The following AQP11 variants were observed in gnomAD, a reference collection of about 807,000 sequenced individuals.
The protein encoded by AQP11 is aquaporin-11.
AQP11 carries 20 observed loss-of-function variants against 21.1 expected under a neutral mutation model. The observed-to-expected ratio is 0.95, with a 90% CI of 0.67 to 1.38. The LOEUF (loss-of-function observed/expected upper bound fraction) is 1.38. Ranked by LOEUF, AQP11 falls within the 40% of genes most tolerant of loss-of-function variation. The pLI, the probability that AQP11 is intolerant of heterozygous loss-of-function variation, is 0.00. For synonymous variants in AQP11, 167 were observed against 150.1 expected (o/e 1.11, Z -0.82); for missense variants, 339 against 340.4 (o/e 1.00, Z 0.03).
chr11:77,590,166 C>T lies in AQP11; in HGVS notation c.174C>T (p.Cys58=). ...VLEFLATFQL[C]CCTHELQLLS... ...AGTTTCTAGCCACCTTCCAGCTCTG[C>T]TGCTGCACCCACGAGCTGCAACTGC... is the stretch of plus-strand genomic sequence containing the variant. The change falls in exon 1 of 3, where the codon TGC becomes TGT. Residue 58 remains cysteine (C), a synonymous_variant. Coordinates refer to ENST00000313578, the MANE Select transcript of AQP11 (RefSeq NM_173039.3). 6.2e-7 allele frequency: 1 copy of T among 1,606,586 alleles called. No individual in the cohort carries two copies. The highest frequency in any genetic ancestry group is 2.2e-5 in the East Asian group (1 of 44,870).
Position 77,590,322 on chromosome 11 carries a change from G to T in AQP11, c.330G>T (p.Gly110=). 1 of 1,610,048 alleles carries T rather than the reference G, an allele frequency of 6.2e-7. No homozygotes were observed. Among genetic ancestry groups the T allele is most frequent in the Non-Finnish European group, 8.5e-7 (1 of 1,177,090 alleles). Residue 110 remains glycine (G), a synonymous_variant, in exon 1 of 3, where the codon GGG becomes GGT. Transcript: ENST00000313578. ...PCGVMMQMML[G]GMSPETGAVR... is the part of the protein sequence containing the mutation. ...GCGTGATGATGCAGATGATGCTGGG[G>T]GGCATGTCCCCCGAGACGGGTGCGG...
intron 1 of AQP11, chr11:77,591,328 A>G: frequency 1.0e-6 from 1 of 984,242 alleles, no homozygotes; most frequent in African/African-American, 1.7e-5. Context: ...GCAGTGGGCA[A>G]TCTAGTCCTA....
At chr11:77,603,707 T>G (rs762908420) in intron 2 of AQP11, 35 bp downstream of exon 2, 3 of 1,443,574 alleles carry the variant, frequency 2.1e-6, no homozygotes, top group Non-Finnish European at 2.9e-6. Context: ...TCTGAAAGAT[T>G]AGGGTATTTT....
In AQP11 at chr11:77,609,735, A is replaced by C. The variant is rs1045071570; in HGVS notation, c.*358A>C. On this transcript the variant is annotated 3_prime_UTR_variant, in exon 3 of 3. Coordinates refer to ENST00000313578, the MANE Select transcript of AQP11 (RefSeq NM_173039.3). The stretch of plus-strand genomic sequence containing the variant: ...GTAAGATCAACGAATTTGTGTATCA[A>C]GTGTCACCCAAATGAACAGAATTTT... The C allele has an allele frequency of 6.2e-6, 1 of 161,458 alleles. No individual in the cohort carries two copies. The allele number at this position is 161,458 out of a possible 1,614,324, so 10.0% of individuals were successfully genotyped here. A position where few individuals can be genotyped will look rare whatever the true frequency, so the allele number is the denominator to read the frequency against.
intron 1 of AQP11, chr11:77,591,176 A>T (rs1384741422): frequency 2.1e-6 from 2 of 948,426 alleles, no homozygotes; most frequent in South Asian, 9.7e-5. Context: ...ATTTTGAGTT[A>T]TACATGAACT....
chr11:77,592,045 C>T (rs1958751995), intron 1 of AQP11, among the ~76,000 whole-genome samples: 1 of 152,132 alleles, frequency 6.6e-6, no homozygotes, highest in Non-Finnish European at 1.5e-5. Flanking sequence ...GCAGGTGGAT[C>T]GCTTGAGCCC....
intron 1 of AQP11, among the ~76,000 whole-genome samples, chr11:77,592,581 T>C (rs1412734741): frequency 6.6e-6 from 1 of 152,246 alleles, no homozygotes; most frequent in Non-Finnish European, 1.5e-5. Flanking sequence ...CTGTCTACTT[T>C]TAATACATAT....
chr11:77,596,486 AAATATATG>A (rs1958781150), intron 1 of AQP11, among the ~76,000 whole-genome samples: 3 of 141,908 alleles, frequency 2.1e-5, no homozygotes, highest in African/African-American at 2.6e-5. Flanking sequence ...ATATATGTGT[AAATATATG>A]TGTAAATATA....
chr11:77,609,393 A>C lies in AQP11; in HGVS notation c.*16A>C, dbSNP rs765884000. ...AAAGGAATAACTGTTCCAAAGACTC[A>C]GACTAACATACAGGACAGTCCAGCT... On this transcript the variant is annotated 3_prime_UTR_variant, in exon 3 of 3. Transcript: ENST00000313578. The C allele has an allele frequency of 6.3e-7, 1 of 1,594,184 alleles. No individual in the cohort carries two copies. The highest frequency in any genetic ancestry group is 2.2e-5 in the East Asian group (1 of 44,702).
intron 1 of AQP11, among the ~76,000 whole-genome samples, chr11:77,597,518 G>A (rs1958790436): frequency 1.3e-5 from 2 of 152,300 alleles, no homozygotes; most frequent in African/African-American, 4.8e-5. Context: ...GTTGCAGTGA[G>A]CTGAGATTGC....
intron 1 of AQP11, among the ~76,000 whole-genome samples, chr11:77,601,804 T>C (rs146533453): frequency 1.3e-5 from 2 of 152,308 alleles, no homozygotes; most frequent in South Asian, 2.1e-4. Context: ...TCAGCTGTCA[T>C]CTAAGATGCC....
intron 1 of AQP11, among the ~76,000 whole-genome samples, chr11:77,596,191 A>C (rs1192913855): frequency 6.6e-6 from 1 of 152,012 alleles, no homozygotes; most frequent in Non-Finnish European, 1.5e-5. Context: ...CTGAATCAAC[A>C]TGACCACCCA....
intron 1 of AQP11, among the ~76,000 whole-genome samples, chr11:77,598,674 T>G (rs1401731301): frequency 6.6e-6 from 1 of 152,220 alleles, no homozygotes; most frequent in Non-Finnish European, 1.5e-5. Context: ...TTGTCTCTGA[T>G]GTTTGTGTTA....
At chr11:77,592,277 AAAAAAG>A (rs1386847486) in intron 1 of AQP11, among the ~76,000 whole-genome samples, 3 of 152,060 alleles carry the variant, frequency 2.0e-5, no homozygotes, top group Admixed American at 6.5e-5. Flanking sequence ...AAAAGAAAAA[AAAAAAG>A]AAAAAGAGAA....
At chr11:77,602,499 A>G (rs949543731) in intron 1 of AQP11, among the ~76,000 whole-genome samples, 2 of 152,154 alleles carry the variant, frequency 1.3e-5, no homozygotes, top group Non-Finnish European at 2.9e-5. Context: ...AATGATTCCA[A>G]AGGTCTATGA....
intron 2 of AQP11, among the ~76,000 whole-genome samples, 157 bp downstream of exon 2, chr11:77,603,829 T>C (rs957127249): frequency 3.3e-5 from 5 of 152,176 alleles, no homozygotes; most frequent in Non-Finnish European, 7.4e-5. Flanking sequence ...CTTTGTGTAG[T>C]ATCCTTTAAA....
chr11:77,605,529 T>C (rs187249641), intron 2 of AQP11, among the ~76,000 whole-genome samples: 3 of 151,998 alleles, frequency 2.0e-5, no homozygotes, highest in Non-Finnish European at 2.9e-5. Context: ...TGGCATTAGA[T>C]TCTCATAGGA....
chr11:77,603,738 C>G (rs1958829021), intron 2 of AQP11, 66 bp downstream of exon 2: 1 of 1,149,070 alleles, frequency 8.7e-7, no homozygotes. Context: ...ATGTGTATAT[C>G]ATTGTAACAT....
chr11:77,601,031 C>A (rs1006984158), intron 1 of AQP11, among the ~76,000 whole-genome samples: 3 of 150,514 alleles, frequency 2.0e-5, no homozygotes, highest in Non-Finnish European at 4.4e-5. Context: ...AAAAAAAAAT[C>A]TTGTATATGT....
Sources: allele counts gnomAD v4.1 joint callset (sites outside exome capture counted in the v4.1 genomes callset), GRCh38; gene constraint gnomAD v4.1.1; transcripts MANE v1.5; gene names NCBI Gene and HGNC (gene_info 2026-07-23, HGNC 2026-07-21).